PELO: variants seen among roughly 807,000 people sequenced by gnomAD.
PELO encodes the protein pelota mRNA surveillance and ribosome rescue factor.
A neutral mutation model predicts 25.9 loss-of-function variants in PELO; 19 were observed. That is an observed-to-expected ratio of 0.73 (90% CI 0.51 to 1.08). The LOEUF (loss-of-function observed/expected upper bound fraction) is 1.08. Ranked by LOEUF, PELO falls within the 50% of genes least tolerant of loss-of-function variation. PELO has a pLI of 0.00. For synonymous variants in PELO, 196 were observed against 192.2 expected (o/e 1.02, Z -0.16); for missense variants, 498 against 491.4 (o/e 1.01, Z -0.13).
Position 52,788,276 on chromosome 5 carries a change from A to C in PELO, c.-649A>C. 2 of 1,179,654 alleles carry C rather than the reference A, an allele frequency of 1.7e-6. No homozygotes were observed. The highest frequency in any genetic ancestry group is 2.2e-6 in the Non-Finnish European group (2 of 889,672). 73.1% of individuals were successfully genotyped at this position (1,179,654 alleles called of 1,614,324 possible). A position where few individuals can be genotyped will look rare whatever the true frequency, so the allele number is the denominator to read the frequency against. On this transcript the variant is annotated 5_prime_UTR_variant, in exon 1 of 3. Coordinates refer to ENST00000274311, the MANE Select transcript of PELO (RefSeq NM_015946.5). ...ACCGCGGCAGCGGGATAAGTGGCCCAGCCAGAGAGCGCAGCTCCCGCGCCC... is the reference window on the plus strand; with the variant it reads ...ACCGCGGCAGCGGGATAAGTGGCCCCGCCAGAGAGCGCAGCTCCCGCGCCC...
chr5:52,799,406 C>T (rs992330991), intron 1 of PELO, among the ~76,000 whole-genome samples: 2 of 152,198 alleles, frequency 1.3e-5, no homozygotes, highest in Non-Finnish European at 2.9e-5. Flanking sequence ...AACCCCCAAC[C>T]TAAACATTTC....
At position 52,800,064 on chromosome 5, in the gene PELO, G is replaced by A. The variant is rs1264885547; in HGVS notation, c.-331G>A. On this transcript the variant is annotated 5_prime_UTR_variant, in exon 2 of 3. Transcript: ENST00000274311. The stretch of plus-strand genomic sequence containing the variant: ...CTTTGGGGACGGGAGACGTGCGTCG[G>A]GTCGCGGGACGGGGGCTGCGCATGC... 5 of 326,824 alleles carry A rather than the reference G, an allele frequency of 1.5e-5. No homozygotes were observed. The Admixed American group carries it at 2.4e-4, about 16-fold the overall frequency. 20.2% of individuals were successfully genotyped at this position (326,824 alleles called of 1,614,324 possible).
chr5:52,802,552 T>A lies in PELO; in HGVS notation c.*712T>A, dbSNP rs1748510936. ...GATCTGCTAGGGATTGTCAAAATAA[T>A]CTCCTTGAGGCATCTTTATTTTTAA... is the stretch of plus-strand genomic sequence containing the variant. On this transcript the variant is annotated 3_prime_UTR_variant, in exon 3 of 3. Coordinates refer to ENST00000274311, the MANE Select transcript of PELO (RefSeq NM_015946.5). 1 of 152,194 alleles carries A rather than the reference T, an allele frequency of 6.6e-6. No homozygotes were observed. The highest frequency in any genetic ancestry group is 1.5e-5 in the Non-Finnish European group (1 of 68,038). The allele number at this position is 152,194 out of a possible 1,614,324, so 9.4% of individuals were successfully genotyped here.
chr5:52,800,242 G>A lies in PELO; in HGVS notation c.-153G>A, dbSNP rs190138116. 7.6e-5 allele frequency: 54 copies of A among 712,672 alleles called. No individual in the cohort carries two copies. In the Middle Eastern group the frequency reaches 1.2e-3, roughly 16 times the overall value. The allele number at this position is 712,672 out of a possible 1,614,324, so 44.1% of individuals were successfully genotyped here. ...GGAAGTGCTGCCCTAGGCTGCATGA[G>A]TCGAAGCAAGCGTGTTTCCTTCCCG... On this transcript the variant is annotated 5_prime_UTR_variant, in exon 2 of 3. Transcript: ENST00000274311.
At position 52,795,420 on chromosome 5, in the gene PELO, A is replaced by C. The variant is rs558738661; in HGVS notation, c.-510-4465A>C. 2.0e-5 allele frequency among the ~76,000 whole-genome samples: 3 copies of C among 152,060 alleles called. No individual in the cohort carries two copies. The South Asian group carries it at 6.2e-4, about 32-fold the overall frequency. On this transcript the variant is annotated intron_variant, in intron 1 of 2. Transcript: ENST00000274311. ...ACAGCCCCGACTGTTTAAGGGTCAC[A>C]AGCTAAGCAGAGGGTATTAAAACAA...
rs529164199 is a variant in PELO, at chr5:52,791,623, G to A, written c.-511+3209G>A. 9.5e-4 allele frequency among the ~76,000 whole-genome samples: 144 copies of A among 152,268 alleles called. 1 individual carries two copies. Among genetic ancestry groups the A allele is most frequent in the African/African-American group, 3.4e-3 (140 of 41,538 alleles). On this transcript the variant is annotated intron_variant, in intron 1 of 2. Transcript: ENST00000274311. ...AGCTAGCACAACTTAACCCCGAAAT[G>A]TATTATGTGCAAGGCACTGTGCCAA...
At position 52,800,871 on chromosome 5, in the gene PELO, T is replaced by G. The variant is rs1748463117; in HGVS notation, c.477T>G (p.Thr159=). Residue 159 remains threonine (T), a synonymous_variant, in exon 2 of 3, where the codon ACT becomes ACG. Coordinates refer to ENST00000274311, the MANE Select transcript of PELO (RefSeq NM_015946.5). ...TAGTCACTCCCAGCATGACCCTCAC[T>G]CGGGCCAAGGTGGAGGTGAACATCC... ...ICLVTPSMTL[T]RAKVEVNIPR... is the part of the protein sequence containing the mutation. 2.5e-6 allele frequency: 4 copies of G among 1,611,382 alleles called. No homozygotes were observed. The highest frequency in any genetic ancestry group is 3.4e-6 in the Non-Finnish European group (4 of 1,178,290).
Position 52,800,717 on chromosome 5 carries a change from G to T in PELO, c.323G>T (p.Arg108Leu). 1 of 1,614,182 alleles carries T rather than the reference G, an allele frequency of 6.2e-7. No homozygotes were observed. The highest frequency in any genetic ancestry group is 8.5e-7 in the Non-Finnish European group (1 of 1,180,030). ...AYHTIELEPN[R>L]QFTLAKKQWD... Reference sequence around the variant, plus strand: ...CACACCATCGAGCTGGAGCCCAACCGCCAGTTCACCCTGGCCAAGAAGCAG... The same window carrying T: ...CACACCATCGAGCTGGAGCCCAACCTCCAGTTCACCCTGGCCAAGAAGCAG... Residue 108 changes from arginine to leucine, a missense_variant, in exon 2 of 3, where the codon CGC becomes CTC. Physicochemically the swap from Arg to Leu is moderately radical, Grantham distance 102 (BLOSUM62 -2). Coordinates refer to ENST00000274311, the MANE Select transcript of PELO (RefSeq NM_015946.5).
At chr5:52,789,647 C>T (rs746326304) in intron 1 of PELO, among the ~76,000 whole-genome samples, 35 of 152,196 alleles carry the variant, frequency 2.3e-4, no homozygotes, top group Non-Finnish European at 3.8e-4. Flanking sequence ...GCATTATAGC[C>T]GGTGAGTGGT....
rs1201279916 is a variant in PELO, at chr5:52,800,446, C to T, written c.52C>T (p.Leu18=). ...IEKDNAGQVT[L]VPEEPEDMWH... ...GAAGGACAATGCGGGCCAGGTGACC[C>T]TGGTCCCCGAGGAGCCTGAGGACAT... Residue 18 remains leucine, a synonymous_variant, in exon 2 of 3, where the codon CTG becomes TTG. Coordinates refer to ENST00000274311, the MANE Select transcript of PELO (RefSeq NM_015946.5). 2 of 1,614,062 alleles carry T rather than the reference C, an allele frequency of 1.2e-6. No individual in the cohort carries two copies. The highest frequency in any genetic ancestry group is 2.2e-5 in the South Asian group (2 of 91,084).
At position 52,803,573 on chromosome 5, in the gene PELO, C is replaced by G. The variant is rs535500408; in HGVS notation, c.*1733C>G. Reference sequence around the variant, plus strand: ...ACCTGTTCACCTCAACTTGAGAGCTCTTAAAACCCTCAGTGTCCAGGTTGC... The same window carrying G: ...ACCTGTTCACCTCAACTTGAGAGCTGTTAAAACCCTCAGTGTCCAGGTTGC... On this transcript the variant is annotated 3_prime_UTR_variant, in exon 3 of 3. Transcript: ENST00000274311. The G allele has an allele frequency of 2.6e-5, 4 of 152,176 alleles. No individual in the cohort carries two copies. Among genetic ancestry groups the G allele is most frequent in the East Asian group, 1.9e-4 (1 of 5,192 alleles). The allele number at this position is 152,176 out of a possible 1,614,324, so 9.4% of individuals were successfully genotyped here.
In PELO at chr5:52,801,577, G is replaced by A; in HGVS notation, c.895G>A (p.Val299Met). 2.5e-6 allele frequency: 4 copies of A among 1,614,148 alleles called. No individual in the cohort carries two copies. The highest frequency in any genetic ancestry group is 3.4e-6 in the Non-Finnish European group (4 of 1,180,018). Residue 299 changes from valine to methionine, a missense_variant, in exon 3 of 3, where the codon GTG (valine) becomes ATG (methionine). By Grantham distance (21) the Val-to-Met change is conservative (BLOSUM62 1). Transcript: ENST00000274311. ...PDRAFYGLKQ[V>M]EKANEAMAID... Reference sequence around the variant, plus strand: ...TCGAGCTTTCTATGGACTCAAGCAGGTGGAGAAGGCCAATGAAGCCATGGC... The same window carrying A: ...TCGAGCTTTCTATGGACTCAAGCAGATGGAGAAGGCCAATGAAGCCATGGC...
chr5:52,792,906 A>G lies in PELO; in HGVS notation c.-511+4492A>G, dbSNP rs569918443. Among the ~76,000 whole-genome samples the G allele has an allele frequency of 1.1e-4, 17 of 152,266 alleles. No homozygotes were observed. In the East Asian group the frequency reaches 3.1e-3, roughly 28 times the overall value. On this transcript the variant is annotated intron_variant, in intron 1 of 2. Coordinates refer to ENST00000274311, the MANE Select transcript of PELO (RefSeq NM_015946.5). ...GGAGAATTGTATTCGCCCTCAAAGCAAGTACAGTAGAGTATCAAGAGATGC... is the reference window on the plus strand; with the variant it reads ...GGAGAATTGTATTCGCCCTCAAAGCGAGTACAGTAGAGTATCAAGAGATGC...
intron 1 of PELO, among the ~76,000 whole-genome samples, chr5:52,797,377 T>C (rs140690211): frequency 1.3e-5 from 2 of 152,034 alleles, no homozygotes; most frequent in East Asian, 1.9e-4. Flanking sequence ...AGGTTTCTAA[T>C]GTACAGATAA....
Position 52,788,295 on chromosome 5 carries a change from C to A in PELO, c.-630C>A. The stretch of plus-strand genomic sequence containing the variant: ...TGGCCCAGCCAGAGAGCGCAGCTCC[C>A]GCGCCCGGTCCTGCCCTGCGAACCA... On this transcript the variant is annotated 5_prime_UTR_variant, in exon 1 of 3. Coordinates refer to ENST00000274311, the MANE Select transcript of PELO (RefSeq NM_015946.5). The A allele has an allele frequency of 7.4e-7, 1 of 1,342,368 alleles. No homozygotes were observed. Among genetic ancestry groups the A allele is most frequent in the Non-Finnish European group, 9.7e-7 (1 of 1,027,074 alleles). The allele number at this position is 1,342,368 out of a possible 1,614,324, so 83.2% of individuals were successfully genotyped here.
chr5:52,801,244 G>C (rs1258208342), intron 2 of PELO, 124 bp downstream of exon 2: 13 of 1,177,220 alleles, frequency 1.1e-5, no homozygotes, highest in Non-Finnish European at 1.6e-5. Context: ...ATTTTCATGA[G>C]ATAATGAAAT....
At position 52,801,520 on chromosome 5, in the gene PELO, G is replaced by A. The variant is rs1344918971; in HGVS notation, c.838G>A (p.Asp280Asn). ...KAAGEVKALD[D>N]FYKMLQHEPD... is the part of the protein sequence containing the mutation. The stretch of plus-strand genomic sequence containing the variant: ...TGCTGGGGAAGTCAAAGCCTTGGAT[G>A]ACTTCTATAAAATGTTACAGCATGA... The change falls in exon 3 of 3, where the codon GAC (aspartate) becomes AAC (asparagine). Residue 280 changes from aspartate to asparagine, a missense_variant. Physicochemically the swap from Asp to Asn is conservative, Grantham distance 23. Transcript: ENST00000274311. 1 of 1,614,158 alleles carries A rather than the reference G, an allele frequency of 6.2e-7. No individual in the cohort carries two copies.
intron 2 of PELO, 47 bp from the exon 3 acceptor site, chr5:52,801,362 G>A (rs762735875): frequency 6.1e-6 from 9 of 1,478,806 alleles, no homozygotes; most frequent in South Asian, 1.2e-5. Context: ...TGATTAATGG[G>A]TGTTCTAGGA....
rs747479120 is a variant in PELO at position 52,802,491 on chromosome 5, A to C, written c.*651A>C. On this transcript the variant is annotated 3_prime_UTR_variant, in exon 3 of 3. Coordinates refer to ENST00000274311, the MANE Select transcript of PELO (RefSeq NM_015946.5). Reference sequence around the variant, plus strand: ...ATTAGTCATATTTGATTTAGAGGGTAACTTAAATCAGTTATTTTTAGCTTT... The same window carrying C: ...ATTAGTCATATTTGATTTAGAGGGTCACTTAAATCAGTTATTTTTAGCTTT... 1 of 152,198 alleles carries C rather than the reference A, an allele frequency of 6.6e-6. No homozygotes were observed. The highest frequency in any genetic ancestry group is 1.5e-5 in the Non-Finnish European group (1 of 68,046). The allele number at this position is 152,198 out of a possible 1,614,324, so 9.4% of individuals were successfully genotyped here. A position where few individuals can be genotyped will look rare whatever the true frequency, so the allele number is the denominator to read the frequency against.
Sources: allele counts gnomAD v4.1 joint callset (sites outside exome capture counted in the v4.1 genomes callset), GRCh38; gene constraint gnomAD v4.1.1; transcripts MANE v1.5; gene names NCBI Gene and HGNC (gene_info 2026-07-23, HGNC 2026-07-21).